ITGAM: variants seen among roughly 807,000 people sequenced by gnomAD.
ITGAM encodes the protein integrin alpha-M.
A neutral mutation model predicts 137.5 loss-of-function variants in ITGAM; 79 were observed. That is an observed-to-expected ratio of 0.57 (90% confidence interval 0.48 to 0.69). The LOEUF is 0.69. ITGAM is among the 30% of genes least tolerant of loss of function. The pLI is 0.00. For missense variants in ITGAM, 1,343 were observed against 1,483.5 expected (o/e 0.91, Z 1.56); for synonymous variants, 583 against 592.3 (o/e 0.98, Z 0.23).
rs1174748280 is a variant in ITGAM at position 31,328,207 on chromosome 16, T to G, written c.2769T>G (p.Tyr923Ter). ...TEFQLELPVK[Y>*]AVYMVVTSHG... ...TCCAACTGGAGCTGCCGGTGAAATA[T>G]GCTGTCTACATGGTGGTCACCAGGT... Residue 923 changes from tyrosine to a stop codon, truncating the protein, a stop_gained, in exon 23 of 30, where the codon TAT (tyrosine) becomes TAG (stop). Coordinates refer to ENST00000544665, the MANE Select transcript of ITGAM (RefSeq NM_000632.4). LOFTEE classifies it high-confidence loss of function. 1 of 1,613,854 alleles carries G rather than the reference T, an allele frequency of 6.2e-7. No individual in the cohort carries two copies. The highest frequency in any genetic ancestry group is 1.1e-5 in the South Asian group (1 of 91,086).
intron 12 of ITGAM, among the ~76,000 whole-genome samples, chr16:31,281,340 G>T (rs898635902): frequency 1.2e-4 from 18 of 152,196 alleles, no homozygotes; most frequent in African/African-American, 4.1e-4. Flanking sequence ...CTGTGAATCC[G>T]TCTGGTCCTG....
intron 2 of ITGAM, among the ~76,000 whole-genome samples, chr16:31,262,033 A>G (rs1203303971): frequency 6.6e-6 from 1 of 152,052 alleles, no homozygotes; most frequent in Non-Finnish European, 1.5e-5. Context: ...GGACCTCACA[A>G]ATGGTTTCCT....
At chr16:31,266,212 G>C in intron 5 of ITGAM, 65 bp downstream of exon 5, 1 of 1,119,728 alleles carries the variant, frequency 8.9e-7, no homozygotes, top group Non-Finnish European at 1.3e-6. Context: ...GCAGGACTGA[G>C]GTGACGTCTG....
In ITGAM at chr16:31,332,067, G is replaced by A; in HGVS notation, c.*360G>A. 4.3e-6 allele frequency: 1 copy of A among 232,210 alleles called. No homozygotes were observed. Among genetic ancestry groups the A allele is most frequent in the Non-Finnish European group, 8.5e-6 (1 of 118,024 alleles). The allele number at this position is 232,210 out of a possible 1,614,324, so 14.4% of individuals were successfully genotyped here. ...TGTGGCTCACGTGTGTGACTCAGAT[G>A]TCTCTGGCGTGTGGGTAGGTGACGG... On this transcript the variant is annotated 3_prime_UTR_variant, in exon 30 of 30. Coordinates refer to ENST00000544665, the MANE Select transcript of ITGAM (RefSeq NM_000632.4).
chr16:31,325,689 C>T (rs1182731387), intron 21 of ITGAM, 67 bp downstream of exon 21: 85 of 1,561,662 alleles, frequency 5.4e-5, no homozygotes, highest in Non-Finnish European at 7.3e-5. Context: ...TCTTCTTCTT[C>T]TCTTCTTTAG....
intron 23 of ITGAM, chr16:31,328,971 A>C (rs1487861137): frequency 3.5e-6 from 2 of 572,996 alleles, no homozygotes; most frequent in East Asian, 5.9e-5. Context: ...TGTGTGTCTG[A>C]GGGTCTGTGT....
chr16:31,301,820 A>G (rs1028040025), intron 14 of ITGAM, among the ~76,000 whole-genome samples: 5 of 152,220 alleles, frequency 3.3e-5, no homozygotes, highest in African/African-American at 1.2e-4. Flanking sequence ...TAATTTGAGT[A>G]TGAACTGTGT....
In ITGAM at chr16:31,324,723, G is replaced by T. The variant is rs1255940334; in HGVS notation, c.2230G>T (p.Ala744Ser). ...NFSLVGTPLS[A>S]FGNLRPVLAE... Reference sequence around the variant, plus strand: ...CTCTCTGGTGGGAACGCCATTGTCTGCTTTCGGGAACCTCCGGCCAGTGCT... The same window carrying T: ...CTCTCTGGTGGGAACGCCATTGTCTTCTTTCGGGAACCTCCGGCCAGTGCT... Residue 744 changes from alanine to serine, a missense_variant, in exon 18 of 30, where the codon GCT (alanine) becomes TCT (serine). Physicochemically the swap from Ala to Ser is moderately conservative, Grantham distance 99 (BLOSUM62 1). Coordinates refer to ENST00000544665, the MANE Select transcript of ITGAM (RefSeq NM_000632.4). This position sits in a 1 kb window ranked among gnomAD's most constrained non-coding sequence, Gnocchi z 4.5. 3.1e-6 allele frequency: 5 copies of T among 1,599,534 alleles called. No individual in the cohort carries two copies. Among genetic ancestry groups the T allele is most frequent in the Non-Finnish European group, 4.3e-6 (5 of 1,173,666 alleles).
chr16:31,319,449 T>G (rs2080425116), intron 14 of ITGAM, among the ~76,000 whole-genome samples: 1 of 152,188 alleles, frequency 6.6e-6, no homozygotes, highest in South Asian at 2.1e-4. Flanking sequence ...GTTTTTTGAC[T>G]TAAAGTCTAT....
chr16:31,266,053 G>C lies in ITGAM; in HGVS notation c.333G>C (p.Gln111His). 6.2e-7 allele frequency: 1 copy of C among 1,613,908 alleles called. No homozygotes were observed. The highest frequency in any genetic ancestry group is 8.5e-7 in the Non-Finnish European group (1 of 1,179,884). ...AGGCCTGTGGTCCCACCGTGCACCA[G>C]ACTTGCAGTGAGAACACGTATGTGA... is the stretch of plus-strand genomic sequence containing the variant. ...QLLACGPTVH[Q>H]TCSENTYVKG... The change falls in exon 5 of 30, where the codon CAG becomes CAC. Residue 111 changes from glutamine to histidine, a missense_variant. Coordinates refer to ENST00000544665, the MANE Select transcript of ITGAM (RefSeq NM_000632.4).
rs2080452239 is a variant in ITGAM at position 31,321,646 on chromosome 16, G to A, written c.2002+19G>A. ...AGAGAAGGTGAGGCTTGGTGGATGAGTCTCAAGAGGTTAAACGACCGAGGA... is the reference window on the plus strand; with the variant it reads ...AGAGAAGGTGAGGCTTGGTGGATGAATCTCAAGAGGTTAAACGACCGAGGA... On this transcript the variant is annotated intron_variant, in intron 16 of 29. Transcript: ENST00000544665. The A allele has an allele frequency of 1.9e-6, 3 of 1,610,842 alleles. No homozygotes were observed. The Admixed American group carries it at 5.0e-5, about 27-fold the overall frequency.
In ITGAM at chr16:31,278,097, C is replaced by G; in HGVS notation, c.1344C>G (p.Val448=). ...GCATGTGGGAGTCCAACGCTAATGT[C>G]AAGGGCACCCAGGTGAGTGCGGTTT... ...NTGMWESNAN[V]KGTQIGAYFG... is the part of the protein sequence containing the mutation. Residue 448 remains valine (V), a synonymous_variant, in exon 12 of 30, where the codon GTC becomes GTG. Transcript: ENST00000544665. The G allele has an allele frequency of 6.2e-7, 1 of 1,607,694 alleles. No individual in the cohort carries two copies. Among genetic ancestry groups the G allele is most frequent in the Non-Finnish European group, 8.5e-7 (1 of 1,177,148 alleles).
intron 12 of ITGAM, among the ~76,000 whole-genome samples, chr16:31,281,309 T>G (rs59952132): frequency 6.6e-6 from 1 of 152,172 alleles, no homozygotes; most frequent in African/African-American, 2.4e-5. Flanking sequence ...ATCTCCTCCT[T>G]GTACCTCTGG....
intron 14 of ITGAM, among the ~76,000 whole-genome samples, chr16:31,309,903 C>T (rs1409514827): frequency 6.6e-6 from 1 of 152,022 alleles, no homozygotes; most frequent in Non-Finnish European, 1.5e-5. Flanking sequence ...ATTTCTTCTT[C>T]ACTTATGAAG....
At chr16:31,283,761 T>C (rs548982836) in intron 12 of ITGAM, among the ~76,000 whole-genome samples, 4 of 152,222 alleles carry the variant, frequency 2.6e-5, no homozygotes, top group Non-Finnish European at 5.9e-5. Flanking sequence ...CTTCGTTCCA[T>C]TGCTGGTGAG....
rs538261612 is a variant in ITGAM at position 31,270,731 on chromosome 16, A to G, written c.428-223A>G. Among the ~76,000 whole-genome samples, 140 of 111,222 alleles carry G rather than the reference A, an allele frequency of 1.3e-3. 9 individuals are homozygous for G. The highest frequency in any genetic ancestry group is 4.6e-3 in the African/African-American group (121 of 26,232). The allele number at this position is 111,222 out of a possible 152,430, so 73.0% of individuals were successfully genotyped here. ...TATATATATATATATATATATATAT[A>G]TATATATATATATGTTTTTAACGTG... On this transcript the variant is annotated intron_variant, in intron 5 of 29. Coordinates refer to ENST00000544665, the MANE Select transcript of ITGAM (RefSeq NM_000632.4).
chr16:31,323,829 A>G (rs547930609), intron 16 of ITGAM, among the ~76,000 whole-genome samples: 33 of 152,162 alleles, frequency 2.2e-4, no homozygotes, highest in Middle Eastern at 6.8e-3. Context: ...CCTGGCTAAC[A>G]TGGTGAAACC....
Position 31,331,217 on chromosome 16 carries a change from T to TGGGCAGCTCTTGAGC in ITGAM, c.3339_3340insTGAGCGGGCAGCTCT (p.Ser1113_Val1114insTer). ...GTCCCCAACCCCCTGCCGCTCATCG[T>TGGGCAGCTCTTGAGC]GGGCAGCTCTGTCGGGGGACTGCTG... On this transcript the variant is annotated stop_gained and inframe_insertion, in exon 29 of 30. Coordinates refer to ENST00000544665, the MANE Select transcript of ITGAM (RefSeq NM_000632.4). LOFTEE classifies it high-confidence loss of function. 1.2e-6 allele frequency: 2 copies of TGGGCAGCTCTTGAGC among 1,613,478 alleles called. No individual in the cohort carries two copies. Among genetic ancestry groups the TGGGCAGCTCTTGAGC allele is most frequent in the Non-Finnish European group, 1.7e-6 (2 of 1,179,692 alleles).
Position 31,297,889 on chromosome 16 carries a change from A to G in ITGAM, c.1642A>G (p.Asn548Asp). 6.2e-7 allele frequency: 1 copy of G among 1,613,880 alleles called. No homozygotes were observed. Among genetic ancestry groups the G allele is most frequent in the African/African-American group, 1.3e-5 (1 of 74,988 alleles). The part of the protein sequence containing the change: ...VAIGAPGEED[N>D]RGAVYLFHGT... The stretch of plus-strand genomic sequence containing the variant: ...CATTGGGGCCCCAGGAGAGGAGGAC[A>G]ACCGGGGTGCTGTTTACCTGTTTCA... The change falls in exon 14 of 30, where the codon AAC (asparagine) becomes GAC (aspartate). Residue 548 changes from asparagine (N) to aspartate (D), a missense_variant. By Grantham distance (23) the Asn-to-Asp change is conservative. Transcript: ENST00000544665.
Sources: allele counts gnomAD v4.1 joint callset (sites outside exome capture counted in the v4.1 genomes callset), GRCh38; gene constraint gnomAD v4.1.1; non-coding constraint Gnocchi (gnomAD v3.1); transcripts MANE v1.5; gene names NCBI Gene and HGNC (gene_info 2026-07-23, HGNC 2026-07-21).